The following CCDC192 variants were observed in gnomAD, a reference collection of about 807,000 sequenced individuals.
The protein encoded by CCDC192 is coiled-coil domain-containing protein 192.
At chr5:127,813,478 C>T (rs1420621305) in intron 5 of CCDC192, among the ~76,000 whole-genome samples, 1 of 152,088 alleles carries the variant, frequency 6.6e-6, no homozygotes, top group African/African-American at 2.4e-5. Flanking sequence ...AGTTTTTTAT[C>T]ATTTGTAGTG....
At chr5:127,800,039 A>G (rs766156018) in intron 5 of CCDC192, among the ~76,000 whole-genome samples, 2 of 152,128 alleles carry the variant, frequency 1.3e-5, no homozygotes, top group African/African-American at 2.4e-5. Context: ...ATGGAATCTT[A>G]AAAAGATTAG....
chr5:127,762,583 C>A (rs1002398263), intron 3 of CCDC192, among the ~76,000 whole-genome samples: 1 of 152,106 alleles, frequency 6.6e-6, no homozygotes, highest in Non-Finnish European at 1.5e-5. Context: ...TTGTTGCAGG[C>A]GGGATGTGTG....
At chr5:127,762,531 TAG>T (rs1253893065) in intron 3 of CCDC192, among the ~76,000 whole-genome samples, 11 of 152,234 alleles carry the variant, frequency 7.2e-5, no homozygotes, top group Non-Finnish European at 1.6e-4. Flanking sequence ...TTGTTTTGAA[TAG>T]AGTCAAACAC....
rs143415078 is a variant in CCDC192, at chr5:127,869,750, G to A, written c.412-5788G>A. Among the ~76,000 whole-genome samples, 650 of 152,264 alleles carry A rather than the reference G, an allele frequency of 4.3e-3. 4 individuals carry two copies. The highest frequency in any genetic ancestry group is 0.015 in the African/African-American group (613 of 41,554). On this transcript the variant is annotated intron_variant, in intron 5 of 6. Coordinates refer to ENST00000514853, the MANE Select transcript of CCDC192 (RefSeq NM_001317938.2). ...AAACTCTTCCCTTATAGTGAGTCAG[G>A]TTGTTTGTTGAATTACTGGGATTTC...
At chr5:127,737,491 C>G (rs1753091433) in intron 2 of CCDC192, among the ~76,000 whole-genome samples, 1 of 150,718 alleles carries the variant, frequency 6.6e-6, no homozygotes, top group Non-Finnish European at 1.5e-5. Context: ...TCCTTGTTGA[C>G]TTTCTGTCTC....
chr5:127,909,424 G>A (rs961925264), intron 6 of CCDC192, among the ~76,000 whole-genome samples: 1 of 151,806 alleles, frequency 6.6e-6, no homozygotes, highest in South Asian at 2.1e-4. Flanking sequence ...TAAATTTTGA[G>A]GTATTCCATA....
intron 6 of CCDC192, among the ~76,000 whole-genome samples, chr5:127,901,633 G>A (rs955948521): frequency 2.6e-5 from 4 of 152,116 alleles, no homozygotes; most frequent in Non-Finnish European, 4.4e-5. Flanking sequence ...AAAGCCTAAC[G>A]GAAAAGTATG....
At chr5:127,717,928 C>CAAAAAAAAAAAAAAAAAAAAACAAAAA in intron 2 of CCDC192, among the ~76,000 whole-genome samples, 7 of 98,070 alleles carry the variant, frequency 7.1e-5, no homozygotes, top group African/African-American at 2.0e-4. Flanking sequence ...TAAAGCTAGA[C>CAAAAAAAAAAAAAAAAAAAAACAAAAA]AAAAAAAAAA....
At chr5:127,753,424 G>T (rs890014408) in intron 2 of CCDC192, among the ~76,000 whole-genome samples, 4 of 152,092 alleles carry the variant, frequency 2.6e-5, no homozygotes, top group Non-Finnish European at 5.9e-5. Context: ...GAGTCCAGGC[G>T]CAGTGGCTCA....
rs938028204 is a variant in CCDC192 at position 127,836,637 on chromosome 5, T to G, written c.411+38475T>G. ...CCTTAATTTTTGACTGCTGTGCACC[T>G]GCAGGCTCAACACCATGTGTAAGCC... On this transcript the variant is annotated intron_variant, in intron 5 of 6. Transcript: ENST00000514853. Among the ~76,000 whole-genome samples, 3 of 84,902 alleles carry G rather than the reference T, an allele frequency of 3.5e-5. 1 individual carries two copies. The highest frequency in any genetic ancestry group is 1.2e-4 in the African/African-American group (3 of 25,970). 55.7% of individuals were successfully genotyped at this position (84,902 alleles called of 152,430 possible). A position where few individuals can be genotyped will look rare whatever the true frequency, so the allele number is the denominator to read the frequency against.
intron 6 of CCDC192, among the ~76,000 whole-genome samples, chr5:127,913,562 G>T (rs146017787): frequency 3.3e-5 from 5 of 152,300 alleles, no homozygotes; most frequent in African/African-American, 1.2e-4. Flanking sequence ...CAGTTACTGT[G>T]GTTAAAGCTG....
At chr5:127,736,935 T>C (rs559791716) in intron 2 of CCDC192, among the ~76,000 whole-genome samples, 2 of 151,348 alleles carry the variant, frequency 1.3e-5, no homozygotes, top group African/African-American at 4.9e-5. Flanking sequence ...TTCCTTCAGT[T>C]CTGCTCAGAT....
chr5:127,873,473 T>C (rs1751943757), intron 5 of CCDC192, among the ~76,000 whole-genome samples: 2 of 152,210 alleles, frequency 1.3e-5, no homozygotes, highest in Admixed American at 1.3e-4. Context: ...TTAACACGTA[T>C]CTATTGTTTC....
intron 2 of CCDC192, among the ~76,000 whole-genome samples, chr5:127,719,548 T>TACACAC (rs1561445038): frequency 2.7e-5 from 1 of 36,404 alleles, no homozygotes; most frequent in East Asian, 1.2e-3. Flanking sequence ...TATATATATA[T>TACACAC]ATATATATAT....
chr5:127,829,929 A>C (rs1749708055), intron 5 of CCDC192, among the ~76,000 whole-genome samples: 1 of 152,172 alleles, frequency 6.6e-6, no homozygotes, highest in Non-Finnish European at 1.5e-5. Flanking sequence ...AATGTACTCT[A>C]TTTTTTAGTA....
At chr5:127,747,404 A>G (rs1753837307) in intron 2 of CCDC192, among the ~76,000 whole-genome samples, 4 of 151,952 alleles carry the variant, frequency 2.6e-5, no homozygotes, top group East Asian at 1.9e-4. Context: ...ATGGTTTCCA[A>G]TTTCATCCAT....
chr5:127,802,793 G>A lies in CCDC192; in HGVS notation c.411+4631G>A, dbSNP rs548789090. Among the ~76,000 whole-genome samples, 8 of 152,254 alleles carry A rather than the reference G, an allele frequency of 5.3e-5. No homozygotes were observed. The South Asian group carries it at 1.5e-3, about 28-fold the overall frequency. On this transcript the variant is annotated intron_variant, in intron 5 of 6. Coordinates refer to ENST00000514853, the MANE Select transcript of CCDC192 (RefSeq NM_001317938.2). ...TGTCTTGTACAGATTTTATTGAAAT[G>A]AATTGTTAAAGTGGCTAAATTAAAA...
At chr5:127,865,775 C>T (rs1751582513) in intron 5 of CCDC192, among the ~76,000 whole-genome samples, 1 of 151,698 alleles carries the variant, frequency 6.6e-6, no homozygotes, top group Non-Finnish European at 1.5e-5. Context: ...AGCTATCAGG[C>T]AAATGAACTT....
At chr5:127,720,056 T>C (rs551866892) in intron 2 of CCDC192, among the ~76,000 whole-genome samples, 7 of 152,234 alleles carry the variant, frequency 4.6e-5, no homozygotes, top group African/African-American at 1.7e-4. Flanking sequence ...CTTCTCACAT[T>C]GCAAAATACA....
Sources: allele counts gnomAD v4.1 joint callset (sites outside exome capture counted in the v4.1 genomes callset), GRCh38; gene constraint gnomAD v4.1.1; transcripts MANE v1.5; gene names NCBI Gene and HGNC (gene_info 2026-07-23, HGNC 2026-07-21).